The following DMD variants were observed in gnomAD, a reference collection of about 807,000 sequenced individuals.
DMD encodes the protein dystrophin, also known as mutant dystrophin.
DMD carries 63 observed loss-of-function variants against 330.1 expected under a neutral mutation model. The ratio of observed to expected loss-of-function variants is 0.19; its 90% confidence interval spans 0.16 to 0.24. The LOEUF is 0.24. DMD is among the 10% of genes least tolerant of loss of function. The probability of loss-of-function intolerance (pLI) is 1.00; values close to 1 mark genes in which losing one functional copy is unlikely to be tolerated. For synonymous variants in DMD, 1,223 were observed against 959.8 expected, an observed-to-expected ratio of 1.27 and a Z score of -5.07; for missense variants, 3,344 against 2,684.1, an observed-to-expected ratio of 1.25 and a Z score of -5.43.
In DMD at chrX:32,432,087, G is replaced by C. The variant is rs150336047; in HGVS notation, c.4071+6154C>G. Among the ~76,000 whole-genome samples the C allele has an allele frequency of 1.4e-4, 16 of 111,905 alleles. No homozygotes were observed. In the East Asian group the frequency reaches 4.5e-3, roughly 31 times the overall value. ...CACTCAAGAGTTCCTCACCTTACAA[G>C]AATAGGCCAACACACATTTTCAGGT... On this transcript the variant is annotated intron_variant, in intron 29 of 78. Coordinates refer to ENST00000357033, the MANE Select transcript of DMD (RefSeq NM_004006.3).
intron 60 of DMD, among the ~76,000 whole-genome samples, chrX:31,390,772 T>C (rs2060649777): frequency 8.9e-6 from 1 of 112,121 alleles, no homozygotes; most frequent in South Asian, 3.8e-4. Flanking sequence ...TCTTGCCACA[T>C]TCAATCTCTC....
chrX:32,645,329 T>G (rs1403964188), intron 9 of DMD, among the ~76,000 whole-genome samples, 177 bp from the exon 10 acceptor site: 1 of 112,087 alleles, frequency 8.9e-6, no homozygotes, highest in Admixed American at 9.5e-5. Flanking sequence ...TCCTCATGCA[T>G]ACATCAATTT....
chrX:32,884,660 G>A (rs1008301890), intron 2 of DMD, among the ~76,000 whole-genome samples: 14 of 111,389 alleles, frequency 1.3e-4, no homozygotes, highest in African/African-American at 2.9e-4. Context: ...TCCACTCTAC[G>A]CAACTCTAAG....
chrX:32,379,181 A>G (rs903816210), intron 34 of DMD, among the ~76,000 whole-genome samples: 2 of 110,610 alleles, frequency 1.8e-5, no homozygotes, highest in African/African-American at 6.6e-5. Flanking sequence ...TTCTATAAAG[A>G]AAGAAAATAA....
At chrX:31,553,935 C>T (rs1045799658) in intron 55 of DMD, among the ~76,000 whole-genome samples, 2 of 112,634 alleles carry the variant, frequency 1.8e-5, no homozygotes, top group Non-Finnish European at 3.8e-5. Flanking sequence ...GAATCTTAAA[C>T]AATATCATTA....
rs770136113 is a variant in DMD at position 31,620,562 on chromosome X, G to A, written c.8217+7111C>T. Among the ~76,000 whole-genome samples the A allele has an allele frequency of 5.5e-5, 6 of 109,470 alleles. No homozygotes were observed. The East Asian group carries it at 1.7e-3, about 32-fold the overall frequency. On this transcript the variant is annotated intron_variant, in intron 55 of 78. Transcript: ENST00000357033. ...CCCGAGTAGTTGGGATTACAGGCGT[G>A]TGCCACCACACCTGGCTAATTTTTG...
chrX:32,481,333 C>A (rs961406554), intron 21 of DMD, among the ~76,000 whole-genome samples: 1 of 111,646 alleles, frequency 9.0e-6, no homozygotes, highest in Non-Finnish European at 1.9e-5. Flanking sequence ...TGTGGCTATT[C>A]TTTCCACAAG....
chrX:32,465,915 C>A (rs1044085256), intron 23 of DMD, among the ~76,000 whole-genome samples: 5 of 111,162 alleles, frequency 4.5e-5, no homozygotes, highest in Non-Finnish European at 9.4e-5. Flanking sequence ...TCCATTAATG[C>A]ACTGGCTCGT....
intron 11 of DMD, among the ~76,000 whole-genome samples, chrX:32,616,943 C>T (rs986168948): frequency 9.1e-6 from 1 of 109,629 alleles, no homozygotes; most frequent in Non-Finnish European, 1.9e-5. Flanking sequence ...TGAACTACCT[C>T]TTCAACTTTT....
chrX:32,253,967 G>A (rs139800291), intron 43 of DMD, among the ~76,000 whole-genome samples: 1,895 of 110,729 alleles, frequency 0.017, 39 homozygotes, highest in African/African-American at 0.059. Context: ...CATCACTATC[G>A]TTCATCCTCA....
At chrX:32,966,087 A>C (rs1204785362) in intron 2 of DMD, among the ~76,000 whole-genome samples, 1 of 112,300 alleles carries the variant, frequency 8.9e-6, no homozygotes, top group East Asian at 2.8e-4. Context: ...TCCAATGCAA[A>C]GATTCAGCTA....
chrX:32,887,119 G>A (rs192464762), intron 2 of DMD, among the ~76,000 whole-genome samples: 472 of 111,293 alleles, frequency 4.2e-3, no homozygotes, highest in Non-Finnish European at 7.2e-3. Flanking sequence ...AGGCTGAGGC[G>A]GGCAGATCAC....
chrX:31,126,470 A>G (rs2033670135), intron 78 of DMD, among the ~76,000 whole-genome samples, 172 bp downstream of exon 78: 1 of 111,804 alleles, frequency 8.9e-6, no homozygotes, highest in Non-Finnish European at 1.9e-5. Flanking sequence ...TGAACATTTG[A>G]GGAATGTTCC....
At position 31,262,113 on chromosome X, in the gene DMD, T is replaced by C. The variant is rs770663198; in HGVS notation, c.9225-1097A>G. Among the ~76,000 whole-genome samples, 105 of 112,711 alleles carry C rather than the reference T, an allele frequency of 9.3e-4. 1 individual carries two copies. In the Middle Eastern group the frequency reaches 0.014, roughly 15 times the overall value. On this transcript the variant is annotated intron_variant, in intron 62 of 78. Transcript: ENST00000357033. ...TGAATTTTAGGGCTCTGCGCCCTAC[T>C]GGCGGTGAAATTTAAAGCAAGCCTG... is the stretch of plus-strand genomic sequence containing the variant.
chrX:32,937,951 T>G (rs1408686431), intron 2 of DMD, among the ~76,000 whole-genome samples: 2 of 111,364 alleles, frequency 1.8e-5, no homozygotes, highest in Admixed American at 9.6e-5. Flanking sequence ...GCCCCAGAAC[T>G]TCCTTCATTT....
At chrX:32,872,710 G>A (rs1245830489) in intron 2 of DMD, among the ~76,000 whole-genome samples, 1 of 112,238 alleles carries the variant, frequency 8.9e-6, no homozygotes, top group Non-Finnish European at 1.9e-5. Context: ...TGCACAAAGG[G>A]AAGTAGGGGA....
intron 34 of DMD, among the ~76,000 whole-genome samples, chrX:32,372,656 A>G (rs2097883883): frequency 9.0e-6 from 1 of 111,488 alleles, no homozygotes; most frequent in Non-Finnish European, 1.9e-5. Context: ...TATTTTTAAA[A>G]ACTTAACATT....
intron 29 of DMD, among the ~76,000 whole-genome samples, chrX:32,413,656 C>T (rs1181245116): frequency 1.8e-5 from 2 of 109,589 alleles, no homozygotes; most frequent in Admixed American, 2.0e-4. Flanking sequence ...ATTGGGGCTT[C>T]CTGTCTAAAA....
intron 1 of DMD, among the ~76,000 whole-genome samples, chrX:33,126,886 C>T (rs2095468511): frequency 9.0e-6 from 1 of 111,340 alleles, no homozygotes; most frequent in Admixed American, 9.6e-5. Context: ...AAACCATCAA[C>T]TGGCCTCTGT....
Sources: gnomAD v4.1 joint callset for allele counts (sites outside exome capture counted in the v4.1 genomes callset) on GRCh38, gnomAD v4.1.1 for gene constraint, MANE v1.5 for transcripts, NCBI Gene and HGNC (gene_info 2026-07-23, HGNC 2026-07-21) for gene names.